TRPM6: variants seen among roughly 807,000 people sequenced by gnomAD.
The protein encoded by TRPM6 is transient receptor potential cation channel subfamily M member 6.
A neutral mutation model predicts 247.6 loss-of-function variants in TRPM6; 111 were observed. The ratio of observed to expected loss-of-function variants is 0.45; its 90% confidence interval spans 0.38 to 0.52. The LOEUF is 0.52. TRPM6 is among the 20% of genes least tolerant of loss of function. The pLI, the probability that TRPM6 is intolerant of heterozygous loss-of-function variation, is 0.00. For missense variants in TRPM6, 2,126 were observed against 2,421.5 expected (o/e 0.88, Z 2.56); for synonymous variants, 892 against 853.8 (o/e 1.04, Z -0.78).
intron 9 of TRPM6, among the ~76,000 whole-genome samples, chr9:74,818,177 G>A (rs1470911336): frequency 3.3e-5 from 5 of 151,806 alleles, no homozygotes; most frequent in Admixed American, 6.6e-5. Flanking sequence ...GCAAACATAA[G>A]GGCAATCCCT....
Position 74,821,818 on chromosome 9 carries a change from C to T in TRPM6, c.861G>A (p.Pro287=), listed in dbSNP as rs146518982. 177 of 1,614,016 alleles carry T rather than the reference C, an allele frequency of 1.1e-4. No homozygotes were observed. Among genetic ancestry groups the T allele is most frequent in the Non-Finnish European group, 1.3e-4 (148 of 1,180,032 alleles). Residue 287 remains proline (P), a synonymous_variant, in exon 8 of 39, where the codon CCG becomes CCA. Transcript: ENST00000360774. ...KIHCRSRQGV[P]VVGLVVEGGP... ...CGCCTTCCACCACCAGCCCCACGAC[C>T]GGCACGCCTTGTCTTGAGCCTATTC...
At position 74,810,884 on chromosome 9, in the gene TRPM6, A is replaced by G. The variant is rs1304702435; in HGVS notation, c.1444-16T>C. ...GTCCTTGTTTCTGAAATAAAGAACAAAAGGAAGAATTATTCTCTTTAATTA... is the reference window on the plus strand; with the variant it reads ...GTCCTTGTTTCTGAAATAAAGAACAGAAGGAAGAATTATTCTCTTTAATTA... On this transcript the variant is annotated splice_polypyrimidine_tract_variant and intron_variant, in intron 12 of 38. Coordinates refer to ENST00000360774, the MANE Select transcript of TRPM6 (RefSeq NM_017662.5). 1.2e-6 allele frequency: 2 copies of G among 1,609,630 alleles called. No individual in the cohort carries two copies. Among genetic ancestry groups the G allele is most frequent in the Non-Finnish European group, 1.7e-6 (2 of 1,176,138 alleles).
intron 36 of TRPM6, among the ~76,000 whole-genome samples, chr9:74,734,379 CT>C (rs1445930645): frequency 6.6e-6 from 1 of 152,192 alleles, no homozygotes; most frequent in Non-Finnish European, 1.5e-5. Context: ...TTGCTATCGT[CT>C]GTAGGTTTTA....
In TRPM6 at chr9:74,850,701, C is replaced by T. The variant is rs578050958; in HGVS notation, c.152+4826G>A. On this transcript the variant is annotated intron_variant, in intron 3 of 38. Coordinates refer to ENST00000360774, the MANE Select transcript of TRPM6 (RefSeq NM_017662.5). The stretch of plus-strand genomic sequence containing the variant: ...CACCATTGCACTTCACCCTGGGTAA[C>T]AAGAGCAAAACTTCGTCTCAAAAAA... Among the ~76,000 whole-genome samples the T allele has an allele frequency of 7.9e-5, 12 of 151,510 alleles. No individual in the cohort carries two copies. In the East Asian group the frequency reaches 2.1e-3, roughly 27 times the overall value.
Position 74,771,850 on chromosome 9 carries a change from A to T in TRPM6, c.3404-15T>A, listed in dbSNP as rs1194738693. 1 of 1,612,852 alleles carries T rather than the reference A, an allele frequency of 6.2e-7. No individual in the cohort carries two copies. The highest frequency in any genetic ancestry group is 8.5e-7 in the Non-Finnish European group (1 of 1,179,106). On this transcript the variant is annotated splice_polypyrimidine_tract_variant and intron_variant, in intron 24 of 38. Transcript: ENST00000360774. ...GAGGTAGAGTTCTATAGAAATAAGTATGAAACACAGAAAGAATCATTATTC... is the reference window on the plus strand; with the variant it reads ...GAGGTAGAGTTCTATAGAAATAAGTTTGAAACACAGAAAGAATCATTATTC...
At chr9:74,887,447 G>A (rs1187755083) in intron 1 of TRPM6, 8 of 1,091,110 alleles carry the variant, frequency 7.3e-6, no homozygotes, top group African/African-American at 1.6e-5. Context: ...AGCCACCTCC[G>A]AACTCCTCTC....
intron 19 of TRPM6, 100 bp from the exon 20 acceptor site, chr9:74,788,842 A>G (rs751412423): frequency 2.1e-6 from 3 of 1,421,406 alleles, no homozygotes; most frequent in Admixed American, 1.9e-5. Context: ...GAACTTCAAC[A>G]TGATAACACG....
At chr9:74,870,003 A>G (rs1830972684) in intron 1 of TRPM6, among the ~76,000 whole-genome samples, 1 of 152,110 alleles carries the variant, frequency 6.6e-6, no homozygotes, top group Non-Finnish European at 1.5e-5. Context: ...TTCAGCATTT[A>G]TTTTTGCCCC....
chr9:74,881,473 T>C (rs1831362684), intron 1 of TRPM6, among the ~76,000 whole-genome samples: 1 of 152,032 alleles, frequency 6.6e-6, no homozygotes, highest in African/African-American at 2.4e-5. Flanking sequence ...ACAGAACAAA[T>C]AGACTCCAAT....
intron 30 of TRPM6, among the ~76,000 whole-genome samples, chr9:74,749,642 T>G (rs1199790742): frequency 6.6e-6 from 1 of 152,236 alleles, no homozygotes; most frequent in Non-Finnish European, 1.5e-5. Context: ...AATGCACAAG[T>G]GGCCACAGGC....
At chr9:74,828,895 G>A (rs1210896860) in intron 6 of TRPM6, among the ~76,000 whole-genome samples, 2 of 151,922 alleles carry the variant, frequency 1.3e-5, no homozygotes, top group South Asian at 2.1e-4. Context: ...TCAAGGACTG[G>A]CACCAGTACA....
intron 1 of TRPM6, among the ~76,000 whole-genome samples, chr9:74,873,798 T>C (rs1831103439): frequency 6.6e-6 from 1 of 152,092 alleles, no homozygotes; most frequent in African/African-American, 2.4e-5. Flanking sequence ...TAAAAGATCT[T>C]AAAAATCTTT....
chr9:74,770,956 T>C (rs1031165799), intron 25 of TRPM6, among the ~76,000 whole-genome samples: 4 of 152,166 alleles, frequency 2.6e-5, no homozygotes, highest in African/African-American at 4.8e-5. Flanking sequence ...TATTCTGTCT[T>C]CACCCACTTC....
At chr9:74,823,877 T>C (rs1439338715) in intron 7 of TRPM6, among the ~76,000 whole-genome samples, 1 of 152,098 alleles carries the variant, frequency 6.6e-6, no homozygotes, top group Admixed American at 6.6e-5. Context: ...AGAAGCATTA[T>C]GAAATCACCC....
chr9:74,770,393 T>C (rs978187832), intron 25 of TRPM6, among the ~76,000 whole-genome samples: 4 of 152,192 alleles, frequency 2.6e-5, no homozygotes, highest in Non-Finnish European at 5.9e-5. Flanking sequence ...ACAAGAACAA[T>C]TCTGTTTTAA....
intron 36 of TRPM6, among the ~76,000 whole-genome samples, chr9:74,733,336 TTGTTCAGAAA>T (rs1825589136): frequency 1.3e-5 from 2 of 152,148 alleles, no homozygotes; most frequent in South Asian, 4.1e-4. Context: ...ACTATAAAAA[TTGTTCAGAAA>T]TGTTTGAAAA....
intron 5 of TRPM6, 128 bp from the exon 6 acceptor site, chr9:74,834,250 A>G (rs1829642590): frequency 1.8e-6 from 2 of 1,099,142 alleles, no homozygotes; most frequent in Non-Finnish European, 1.4e-6. Flanking sequence ...TTGCTGGTAC[A>G]GTGGAATTAG....
chr9:74,813,967 G>A (rs1828830938), intron 11 of TRPM6, among the ~76,000 whole-genome samples: 2 of 152,088 alleles, frequency 1.3e-5, no homozygotes, highest in Non-Finnish European at 2.9e-5. Flanking sequence ...TGTGGTGGCA[G>A]GAACCTGTAA....
At chr9:74,802,307 T>A in intron 15 of TRPM6, 132 bp from the exon 16 acceptor site, 1 of 873,284 alleles carries the variant, frequency 1.1e-6, no homozygotes, top group Non-Finnish European at 1.8e-6. Flanking sequence ...AATAATAAGA[T>A]TTTACAAGCC....
Sources: gnomAD v4.1 joint callset for allele counts (sites outside exome capture counted in the v4.1 genomes callset) on GRCh38, gnomAD v4.1.1 for gene constraint, MANE v1.5 for transcripts, NCBI Gene and HGNC (gene_info 2026-07-23, HGNC 2026-07-21) for gene names.